Variants in SPTLC1 observed in about 807,000 individuals in gnomAD.
SPTLC1 encodes serine palmitoyltransferase long chain base subunit 1.
SPTLC1 carries 55 observed loss-of-function variants against 68.9 expected under a neutral mutation model. The observed-to-expected ratio is 0.80, with a 90% CI of 0.64 to 1.00. The LOEUF (loss-of-function observed/expected upper bound fraction) is 1.00. Ranked by LOEUF, SPTLC1 falls within the 50% of genes least tolerant of loss-of-function variation. The pLI is 0.00. For missense variants in SPTLC1, 449 were observed against 573.1 expected (o/e 0.78, Z 2.21); for synonymous variants, 197 against 201.6 (o/e 0.98, Z 0.19).
Position 92,112,661 on chromosome 9 carries a change from T to C in SPTLC1, c.58-99A>G, listed in dbSNP as rs762217553. 1.0e-4 allele frequency: 78 copies of C among 753,966 alleles called. No homozygotes were observed. The Admixed American group carries it at 1.2e-3, about 11-fold the overall frequency. The allele number at this position is 753,966 out of a possible 1,614,324, so 46.7% of individuals were successfully genotyped here. A position where few individuals can be genotyped will look rare whatever the true frequency, so the allele number is the denominator to read the frequency against. On this transcript the variant is annotated intron_variant, in intron 1 of 14. Transcript: ENST00000262554. The stretch of plus-strand genomic sequence containing the variant: ...TGCATATACTGCCTCCTGTGACTTT[T>C]AGCCTATTCTTAACAATTTACTTTC...
chr9:92,085,258 C>T (rs1160570733), intron 3 of SPTLC1, among the ~76,000 whole-genome samples: 1,469 of 145,818 alleles, frequency 0.01, 5 homozygotes, highest in African/African-American at 0.031. Flanking sequence ...CTGCTCTGAT[C>T]TTAGTTATTT....
At position 92,042,151 on chromosome 9, in the gene SPTLC1, C is replaced by T. The variant is rs899534539; in HGVS notation, c.1137-3786G>A. On this transcript the variant is annotated intron_variant, in intron 12 of 14. Coordinates refer to ENST00000262554, the MANE Select transcript of SPTLC1 (RefSeq NM_006415.4). Reference sequence around the variant, plus strand: ...ACTAGGAATAATTCAATAAAAGCTACTCACCAAAAACCCATAGCATGATGT... The same window carrying T: ...ACTAGGAATAATTCAATAAAAGCTATTCACCAAAAACCCATAGCATGATGT... Among the ~76,000 whole-genome samples the T allele has an allele frequency of 4.3e-4, 65 of 152,116 alleles. 2 individuals are homozygous for T. The highest frequency in any genetic ancestry group is 4.4e-5 in the Non-Finnish European group (3 of 68,022).
chr9:92,047,670 A>G lies in SPTLC1; in HGVS notation c.927T>C (p.Asn309=). The G allele has an allele frequency of 6.2e-7, 1 of 1,613,748 alleles. No individual in the cohort carries two copies. Among genetic ancestry groups the G allele is most frequent in the South Asian group, 1.1e-5 (1 of 91,044 alleles). Residue 309 remains asparagine, a synonymous_variant, in exon 10 of 15, where the codon AAT becomes AAC. Transcript: ENST00000262554. ...AGAAACCTCCAATAGAAGCAAGTGC[A>G]TTCTCCATGTTGGCACTGATAAGAT... The part of the protein sequence containing the change: ...DIDLISANME[N]ALASIGGFCC...
At chr9:92,099,905 C>A (rs917349329) in intron 3 of SPTLC1, among the ~76,000 whole-genome samples, 17 of 152,088 alleles carry the variant, frequency 1.1e-4, no homozygotes, top group African/African-American at 3.9e-4. Context: ...ATAGGCTATA[C>A]CATATAGTCT....
At chr9:92,037,093 A>G (rs1833167841) in intron 13 of SPTLC1, among the ~76,000 whole-genome samples, 1 of 152,232 alleles carries the variant, frequency 6.6e-6, no homozygotes, top group African/African-American at 2.4e-5. Flanking sequence ...CTGTTATTCC[A>G]GATTACGTGG....
intron 3 of SPTLC1, among the ~76,000 whole-genome samples, chr9:92,096,644 A>G (rs1169846245): frequency 2.6e-5 from 4 of 152,206 alleles, no homozygotes; most frequent in Non-Finnish European, 5.9e-5. Context: ...CTGGAAAAAG[A>G]TAAAGATAGG....
rs1022001554 is a variant in SPTLC1 at position 92,104,281 on chromosome 9, C to T, written c.260+4459G>A. ...CCACCGGCAACCTGCTCGTCTTGTC[C>T]GTGAGGCCTTCCCAGCTGGCCGGGC... is the stretch of plus-strand genomic sequence containing the variant. On this transcript the variant is annotated intron_variant, in intron 3 of 14. Transcript: ENST00000262554. The T allele has an allele frequency of 6.2e-5, 84 of 1,362,572 alleles. No homozygotes were observed. The African/African-American group carries it at 7.0e-4, about 11-fold the overall frequency. The allele number at this position is 1,362,572 out of a possible 1,614,324, so 84.4% of individuals were successfully genotyped here. A position where few individuals can be genotyped will look rare whatever the true frequency, so the allele number is the denominator to read the frequency against.
chr9:92,088,370 T>C (rs1484923048), intron 3 of SPTLC1, among the ~76,000 whole-genome samples: 7 of 152,372 alleles, frequency 4.6e-5, no homozygotes, highest in East Asian at 1.9e-4. Context: ...ACCGGAGCTG[T>C]TCCTATTCGG....
At chr9:92,095,896 G>A (rs763578803) in intron 3 of SPTLC1, among the ~76,000 whole-genome samples, 3 of 152,188 alleles carry the variant, frequency 2.0e-5, no homozygotes, top group Non-Finnish European at 2.9e-5. Flanking sequence ...ACTGGAAAAC[G>A]GGAAAGGCCG....
chr9:92,078,709 C>T (rs1000898403), intron 5 of SPTLC1, among the ~76,000 whole-genome samples: 6 of 152,218 alleles, frequency 3.9e-5, no homozygotes, highest in Admixed American at 2.6e-4. Flanking sequence ...CCCTTCTTGG[C>T]CTCCCAAAGT....
chr9:92,085,747 G>A (rs910084704), intron 3 of SPTLC1, among the ~76,000 whole-genome samples: 1 of 152,214 alleles, frequency 6.6e-6, no homozygotes, highest in Non-Finnish European at 1.5e-5. Context: ...TTCTGTAGAT[G>A]TCTGTTAGGT....
intron 2 of SPTLC1, chr9:92,109,552 T>A (rs111798552): frequency 1.3e-5 from 2 of 152,202 alleles, no homozygotes; most frequent in African/African-American, 4.8e-5. Flanking sequence ...CTCAGAATAT[T>A]TCGAGGCCCC....
chr9:92,073,346 C>T (rs1050165216), intron 5 of SPTLC1, among the ~76,000 whole-genome samples: 2 of 152,222 alleles, frequency 1.3e-5, no homozygotes, highest in African/African-American at 2.4e-5. Context: ...CTGCTGGCGC[C>T]TTGAGCCTGG....
At chr9:92,049,786 T>G (rs80076492) in intron 9 of SPTLC1, among the ~76,000 whole-genome samples, 174 bp downstream of exon 9, 1 of 152,180 alleles carries the variant, frequency 6.6e-6, no homozygotes, top group African/African-American at 2.4e-5. Flanking sequence ...TGGGGTTCCC[T>G]GGTCTGGCTG....
At chr9:92,088,855 A>T (rs1005031846) in intron 3 of SPTLC1, among the ~76,000 whole-genome samples, 1 of 152,212 alleles carries the variant, frequency 6.6e-6, no homozygotes, top group Non-Finnish European at 1.5e-5. Context: ...CACTTGATAC[A>T]GGAATCCTGG....
intron 12 of SPTLC1, among the ~76,000 whole-genome samples, chr9:92,042,430 G>A (rs1833382868): frequency 6.6e-6 from 1 of 152,116 alleles, no homozygotes; most frequent in Non-Finnish European, 1.5e-5. Context: ...TGGATATAAG[G>A]TCAGTTTAGA....
chr9:92,086,089 T>G lies in SPTLC1; in HGVS notation c.261-5126A>C, dbSNP rs1164429338. Among the ~76,000 whole-genome samples the G allele has an allele frequency of 2.4e-3, 367 of 151,902 alleles. 1 individual carries two copies. Among genetic ancestry groups the G allele is most frequent in the African/African-American group, 8.3e-3 (343 of 41,390 alleles). Reference sequence around the variant, plus strand: ...CCCCTGCCTTTTTTTGTTTTCCATTTGCTTGGTAGATCTTCCTCCATCCTT... The same window carrying G: ...CCCCTGCCTTTTTTTGTTTTCCATTGGCTTGGTAGATCTTCCTCCATCCTT... On this transcript the variant is annotated intron_variant, in intron 3 of 14. Transcript: ENST00000262554.
intron 8 of SPTLC1, chr9:92,050,396 G>T: frequency 3.2e-6 from 1 of 308,148 alleles, no homozygotes; most frequent in Non-Finnish European, 6.3e-6. Context: ...CCACTTTTTT[G>T]GACTTCTGTG....
In SPTLC1 at chr9:92,088,000, T is replaced by C. The variant is rs576180061; in HGVS notation, c.261-7037A>G. Among the ~76,000 whole-genome samples, 56 of 152,326 alleles carry C rather than the reference T, an allele frequency of 3.7e-4. No homozygotes were observed. In the South Asian group the frequency reaches 0.01, roughly 28 times the overall value. On this transcript the variant is annotated intron_variant, in intron 3 of 14. Transcript: ENST00000262554. ...TGCCGCCTTGCAGTTTGATCTCAGA[T>C]TGCTGTGCTAGCAATCAGCGAGACT...
Sources: gnomAD v4.1 joint callset for allele counts (sites outside exome capture counted in the v4.1 genomes callset) on GRCh38, gnomAD v4.1.1 for gene constraint, MANE v1.5 for transcripts, NCBI Gene and HGNC (gene_info 2026-07-23, HGNC 2026-07-21) for gene names.